Variants in CST8 observed in about 807,000 individuals in gnomAD.
The protein encoded by CST8 is cystatin 8.
A neutral mutation model predicts 11.8 loss-of-function variants in CST8; 20 were observed. The ratio of observed to expected loss-of-function variants is 1.70; its 90% CI spans 1.20 to 2.47. CST8 has a LOEUF of 2.47. Ranked by LOEUF, CST8 falls within the 30% of genes most tolerant of loss-of-function variation. The probability of loss-of-function intolerance (pLI) is 0.00; values close to 1 mark genes in which losing one functional copy is unlikely to be tolerated. For synonymous variants in CST8, 77 were observed against 63.1 expected, an observed-to-expected ratio of 1.22 and a Z score of -1.05; for missense variants, 196 against 167.2, an observed-to-expected ratio of 1.17 and a Z score of -0.95.
chr20:23,502,705 C>T, the CST8 span, among the ~76,000 whole-genome samples: 1 of 152,208 alleles, frequency 6.6e-6, no homozygotes. Flanking sequence ...AACCTCCACA[C>T]TTCATATATA....
At chr20:23,498,614 T>C (rs1010925084), downstream of CST8, among the ~76,000 whole-genome samples, 2 of 152,164 alleles carry the variant, frequency 1.3e-5, no homozygotes, top group African/African-American at 4.8e-5. Context: ...CCTAGCTGTC[T>C]CCTCTCCCTC....
chr20:23,492,883 TAA>T, intron 2 of CST8, 73 bp from the exon 3 acceptor site: 6 of 868,628 alleles, frequency 6.9e-6, no homozygotes, highest in Non-Finnish European at 9.7e-6. Flanking sequence ...AGAGTAAGAG[TAA>T]TTTTTTTTTT....
At chr20:23,506,837 T>C in the CST8 span, among the ~76,000 whole-genome samples, 4 of 152,186 alleles carry the variant, frequency 2.6e-5, no homozygotes, top group East Asian at 7.7e-4. Flanking sequence ...ACTTGTTTCA[T>C]TGAGGATTTA....
intron 1 of CST8, 77 bp from the exon 2 acceptor site, chr20:23,491,448 C>T (rs1987876048): frequency 5.2e-6 from 3 of 578,796 alleles, no homozygotes; most frequent in Admixed American, 3.0e-5. Flanking sequence ...CCTTAACTGG[C>T]ATTCCTGGGT....
the CST8 span, among the ~76,000 whole-genome samples, chr20:23,501,661 G>A: frequency 3.3e-5 from 5 of 152,364 alleles, no homozygotes; most frequent in Non-Finnish European, 4.4e-5. Context: ...CAGAGAAGGC[G>A]ACACTGCGAA....
intron 3 of CST8, among the ~76,000 whole-genome samples, chr20:23,495,040 C>T (rs1423137984): frequency 6.6e-6 from 1 of 152,172 alleles, no homozygotes; most frequent in African/African-American, 2.4e-5. Context: ...GTTTAGCTCT[C>T]ACTTATAAGT....
At chr20:23,499,801 C>T (rs1988139761), downstream of CST8, among the ~76,000 whole-genome samples, 1 of 152,120 alleles carries the variant, frequency 6.6e-6, no homozygotes, top group Admixed American at 6.5e-5. Flanking sequence ...GCAGTGGGGA[C>T]CTTGCTGGTT....
chr20:23,504,151 T>C, the CST8 span, among the ~76,000 whole-genome samples: 1 of 152,190 alleles, frequency 6.6e-6, no homozygotes, highest in African/African-American at 2.4e-5. Context: ...ACAGCAGCAA[T>C]GTGTCCCTCC....
chr20:23,504,170 A>G, the CST8 span, among the ~76,000 whole-genome samples: 1 of 152,246 alleles, frequency 6.6e-6, no homozygotes, highest in Non-Finnish European at 1.5e-5. Context: ...CCTGCCTTGA[A>G]CTAAATAATG....
chr20:23,492,591 C>T (rs1317998561), intron 2 of CST8, among the ~76,000 whole-genome samples: 1 of 152,204 alleles, frequency 6.6e-6, no homozygotes, highest in African/African-American at 2.4e-5. Context: ...CTGAGCATCT[C>T]AGGCCCAGGA....
At chr20:23,503,307 A>C in the CST8 span, among the ~76,000 whole-genome samples, 1 of 152,240 alleles carries the variant, frequency 6.6e-6, no homozygotes, top group Non-Finnish European at 1.5e-5. Context: ...ACTTTATTAG[A>C]GTATAAAACT....
chr20:23,499,321 C>T (rs902216369), downstream of CST8, among the ~76,000 whole-genome samples: 2 of 152,128 alleles, frequency 1.3e-5, no homozygotes, highest in Non-Finnish European at 2.9e-5. Flanking sequence ...TTCATTTTCC[C>T]TCTAAACACA....
intron 3 of CST8, 46 bp downstream of exon 3, chr20:23,493,117 C>A: frequency 8.3e-7 from 1 of 1,204,462 alleles, no homozygotes; most frequent in Non-Finnish European, 1.2e-6. Flanking sequence ...CAGCTCTGAA[C>A]CCAAGAGAGA....
At chr20:23,501,478 G>A in the CST8 span, among the ~76,000 whole-genome samples, 3 of 152,244 alleles carry the variant, frequency 2.0e-5, no homozygotes, top group African/African-American at 7.2e-5. Context: ...CAGGGAGACT[G>A]AGGCACGCCT....
chr20:23,492,001 C>T, intron 2 of CST8, 103 bp downstream of exon 2: 1 of 865,746 alleles, frequency 1.2e-6, no homozygotes, highest in Non-Finnish European at 1.9e-6. Context: ...ATGCAAAAAT[C>T]CTAAATATGT....
rs540929228 is a variant in CST8 at position 23,494,878 on chromosome 20, C to T, written c.346-953C>T. Among the ~76,000 whole-genome samples, 6 of 152,240 alleles carry T rather than the reference C, an allele frequency of 3.9e-5. No individual in the cohort carries two copies. In the East Asian group the frequency reaches 9.6e-4, roughly 24 times the overall value. On this transcript the variant is annotated intron_variant, in intron 3 of 3. Transcript: ENST00000246012. ...GCTTGTTATATGTAAATTCGTGTCACAGGGGTTTGGTGTACAGATTATTTC... is the reference window on the plus strand; with the variant it reads ...GCTTGTTATATGTAAATTCGTGTCATAGGGGTTTGGTGTACAGATTATTTC...
chr20:23,505,970 T>TACATTAAA, the CST8 span, among the ~76,000 whole-genome samples: 2 of 149,156 alleles, frequency 1.3e-5, no homozygotes, highest in Non-Finnish European at 3.0e-5. Flanking sequence ...GAATATTTAA[T>TACATTAAA]ACATTAAAGT....
chr20:23,506,920 C>T, the CST8 span, among the ~76,000 whole-genome samples: 1 of 152,162 alleles, frequency 6.6e-6, no homozygotes, highest in Non-Finnish European at 1.5e-5. Flanking sequence ...GTTTGGGGTG[C>T]CCTGGCTCTT....
the CST8 span, among the ~76,000 whole-genome samples, chr20:23,501,386 C>T: frequency 4.6e-5 from 7 of 152,346 alleles, no homozygotes; most frequent in South Asian, 8.3e-4. Context: ...TCCCCACAGT[C>T]CAGGGCATCA....
Sources: gnomAD v4.1 joint callset for allele counts (sites outside exome capture counted in the v4.1 genomes callset) on GRCh38, gnomAD v4.1.1 for gene constraint, MANE v1.5 for transcripts, NCBI Gene and HGNC (gene_info 2026-07-23, HGNC 2026-07-21) for gene names.